PLEKHG1: variants seen among roughly 807,000 people sequenced by gnomAD.
PLEKHG1 encodes pleckstrin homology and RhoGEF domain containing G1, also known as pleckstrin homology domain-containing family G member 1.
A neutral mutation model predicts 100.8 loss-of-function variants in PLEKHG1; 44 were observed. That is an observed-to-expected ratio of 0.44 (90% CI 0.34 to 0.56). The LOEUF (loss-of-function observed/expected upper bound fraction) is 0.56. PLEKHG1 is among the 20% of genes least tolerant of loss of function. The probability of loss-of-function intolerance (pLI) is 0.01; values close to 1 mark genes in which losing one functional copy is unlikely to be tolerated. For synonymous variants in PLEKHG1, 640 were observed against 662.5 expected (o/e 0.97, Z 0.52); for missense variants, 1,545 against 1,720.9 (o/e 0.90, Z 1.81).
chr6:150,818,604 C>T (rs763203158), intron 11 of PLEKHG1, among the ~76,000 whole-genome samples: 3 of 152,182 alleles, frequency 2.0e-5, no homozygotes, highest in African/African-American at 4.8e-5. Context: ...GCAATCACTT[C>T]GTAGTATTGG....
chr6:150,818,293 A>G, intron 11 of PLEKHG1, 77 bp downstream of exon 12: 1 of 1,090,966 alleles, frequency 9.2e-7, no homozygotes, highest in Non-Finnish European at 1.4e-6. Context: ...CTTAAAGTTC[A>G]TGAAAATGTC....
chr6:150,693,475 T>G (rs1335026405), intron 3 of PLEKHG1, among the ~76,000 whole-genome samples: 1 of 152,218 alleles, frequency 6.6e-6, no homozygotes, highest in Non-Finnish European at 1.5e-5. Flanking sequence ...GATCAGCCAG[T>G]GATTCAAATT....
At chr6:150,749,178 A>G (rs1783351046) in intron 2 of PLEKHG1, among the ~76,000 whole-genome samples, 1 of 152,192 alleles carries the variant, frequency 6.6e-6, no homozygotes, top group African/African-American at 2.4e-5. Flanking sequence ...GACAACTGGA[A>G]AAAACCTGAA....
chr6:150,624,862 A>G (rs1288288637), intron 1 of PLEKHG1: 4 of 152,178 alleles, frequency 2.6e-5, no homozygotes, highest in African/African-American at 9.7e-5. Context: ...TTTTTTCATA[A>G]CAACTAAGTA....
chr6:150,650,574 G>A (rs1472557033), intron 2 of PLEKHG1, among the ~76,000 whole-genome samples, 154 bp from the exon 2 acceptor site: 1 of 152,128 alleles, frequency 6.6e-6, no homozygotes, highest in Non-Finnish European at 1.5e-5. Flanking sequence ...AGCATGATAT[G>A]GCCTTTTCCT....
At chr6:150,759,203 G>T (rs762673230) in intron 2 of PLEKHG1, among the ~76,000 whole-genome samples, 7 of 152,220 alleles carry the variant, frequency 4.6e-5, no homozygotes, top group Non-Finnish European at 8.8e-5. Context: ...GTGGCAGATG[G>T]TTGAAAGCTG....
intron 3 of PLEKHG1, among the ~76,000 whole-genome samples, chr6:150,674,677 CT>C (rs1562427766): frequency 7.1e-5 from 10 of 141,674 alleles, no homozygotes; most frequent in Non-Finnish European, 6.2e-5. Flanking sequence ...CTCTCTCTCT[CT>C]CTCTCCCCCC....
At chr6:150,658,021 CCT>C (rs905355304) in intron 3 of PLEKHG1, among the ~76,000 whole-genome samples, 3 of 152,230 alleles carry the variant, frequency 2.0e-5, no homozygotes, top group Non-Finnish European at 4.4e-5. Context: ...AAATTACCCA[CCT>C]TTAGGCTTTA....
exon 16 of PLEKHG1, chr6:150,841,886 C>A: frequency 6.6e-6 from 1 of 152,322 alleles, no homozygotes; most frequent in Non-Finnish European, 1.5e-5. Context: ...TGCCAAATGA[C>A]CAACTTGATC....
intron 2 of PLEKHG1, among the ~76,000 whole-genome samples, chr6:150,749,478 T>G (rs966801566): frequency 6.6e-6 from 1 of 152,186 alleles, no homozygotes; most frequent in Non-Finnish European, 1.5e-5. Flanking sequence ...TAAAGCAATC[T>G]GTGACATTAC....
chr6:150,709,062 G>A (rs567977581), intron 3 of PLEKHG1, among the ~76,000 whole-genome samples: 199 of 152,306 alleles, frequency 1.3e-3, no homozygotes, highest in African/African-American at 4.5e-3. Flanking sequence ...GGCTGGGCGC[G>A]GTGGCTCATG....
At chr6:150,803,473 A>G (rs187210057) in intron 6 of PLEKHG1, among the ~76,000 whole-genome samples, 174 of 152,318 alleles carry the variant, frequency 1.1e-3, no homozygotes, top group Admixed American at 1.8e-3. Context: ...ACTATATACA[A>G]TATTCTCTAT....
intron 3 of PLEKHG1, among the ~76,000 whole-genome samples, chr6:150,681,373 G>A (rs545003005): frequency 4.6e-5 from 7 of 152,188 alleles, no homozygotes; most frequent in African/African-American, 1.2e-4. Flanking sequence ...TTAGCTGGGC[G>A]TGGTGGCGTG....
At chr6:150,761,099 C>CTTTTTT (rs35068801) in intron 2 of PLEKHG1, among the ~76,000 whole-genome samples, 30 of 95,914 alleles carry the variant, frequency 3.1e-4, no homozygotes, top group South Asian at 1.1e-3. Flanking sequence ...TTCTTTTTTT[C>CTTTTTT]TTTTTTTTTT....
chr6:150,740,144 G>T (rs1782773554), intron 2 of PLEKHG1, among the ~76,000 whole-genome samples: 1 of 152,232 alleles, frequency 6.6e-6, no homozygotes, highest in Admixed American at 6.5e-5. Flanking sequence ...TTAGCTCTTA[G>T]CCCTGTGAGA....
At chr6:150,615,374 G>A (rs77122081) in intron 1 of PLEKHG1, among the ~76,000 whole-genome samples, 3,146 of 152,264 alleles carry the variant, frequency 0.021, 52 homozygotes, top group Middle Eastern at 0.051. Flanking sequence ...CTACTGGAAT[G>A]TACACCATTG....
chr6:150,815,834 A>G (rs1360941807), intron 10 of PLEKHG1, among the ~76,000 whole-genome samples: 1 of 152,374 alleles, frequency 6.6e-6, no homozygotes, highest in East Asian at 1.9e-4. Context: ...CCCTTAAAAA[A>G]TGAAAATAAC....
At chr6:150,721,102 A>G in exon 1 of PLEKHG1, 2 of 972,412 alleles carry the variant, frequency 2.1e-6, no homozygotes, top group Non-Finnish European at 2.4e-6. Flanking sequence ...TTTCTACGGA[A>G]GGCGCTGCAC....
intron 3 of PLEKHG1, among the ~76,000 whole-genome samples, chr6:150,676,832 G>A (rs945736099): frequency 9.9e-5 from 15 of 152,158 alleles, no homozygotes; most frequent in South Asian, 2.1e-4. Context: ...ACTCTCTCCC[G>A]TTCTTCTATG....
Sources: gnomAD v4.1 joint callset for allele counts (sites outside exome capture counted in the v4.1 genomes callset) on GRCh38, gnomAD v4.1.1 for gene constraint, MANE v1.5 for transcripts, NCBI Gene and HGNC (gene_info 2026-07-23, HGNC 2026-07-21) for gene names.